Variants in GCKR observed in about 807,000 individuals in gnomAD.
GCKR encodes the protein glucokinase regulator, also known as glucokinase regulatory protein.
GCKR carries 73 observed loss-of-function variants against 82.9 expected under a neutral mutation model. The ratio of observed to expected loss-of-function variants is 0.88; its 90% CI spans 0.73 to 1.07. The LOEUF is 1.07. Ranked by LOEUF, GCKR falls within the 50% of genes least tolerant of loss-of-function variation. GCKR has a pLI of 0.00. For synonymous variants in GCKR, 294 were observed against 291.8 expected (o/e 1.01, Z -0.08); for missense variants, 784 against 782.1 (o/e 1.00, Z -0.03).
chr2:27,511,728 T>C (rs1669886391), intron 16 of GCKR, among the ~76,000 whole-genome samples: 1 of 152,050 alleles, frequency 6.6e-6, no homozygotes, highest in African/African-American at 2.4e-5. Flanking sequence ...AAGAAATATT[T>C]TCTATGTAAA....
rs1403087518 is a variant in GCKR at position 27,504,143 on chromosome 2, G to A, written c.750+524G>A. Among the ~76,000 whole-genome samples, 3 of 152,074 alleles carry A rather than the reference G, an allele frequency of 2.0e-5. No individual in the cohort carries two copies. In the East Asian group the frequency reaches 5.8e-4, roughly 29 times the overall value. On this transcript the variant is annotated intron_variant, in intron 9 of 18. Coordinates refer to ENST00000264717, the MANE Select transcript of GCKR (RefSeq NM_001486.4). ...TTTCTCCTTACTTGGGCCTTACGAG[G>A]GCCTTAGCCAAATTCCAGCCCGTGC...
intron 16 of GCKR, among the ~76,000 whole-genome samples, chr2:27,511,374 C>G (rs914004049): frequency 2.0e-5 from 3 of 151,306 alleles, no homozygotes; most frequent in African/African-American, 7.3e-5. Context: ...AATAAAGAGG[C>G]TTTGTTTGGG....
intron 8 of GCKR, 100 bp from the exon 9 acceptor site, chr2:27,503,414 C>T: frequency 1.3e-6 from 1 of 745,122 alleles, no homozygotes; most frequent in Non-Finnish European, 2.5e-6. Flanking sequence ...TGACCTCTGA[C>T]CTCAATCCCA....
At chr2:27,512,936 G>A (rs971080942) in intron 16 of GCKR, among the ~76,000 whole-genome samples, 2 of 152,172 alleles carry the variant, frequency 1.3e-5, no homozygotes, top group African/African-American at 4.8e-5. Context: ...ATGATATTCA[G>A]GTTAAATTTT....
chr2:27,501,030 C>A (rs1669559966), intron 7 of GCKR, 105 bp from the exon 8 acceptor site: 1 of 856,860 alleles, frequency 1.2e-6, no homozygotes, highest in African/African-American at 1.7e-5. Context: ...ACCTGGGAAT[C>A]TGCATTTTGA....
At chr2:27,511,598 CTG>C (rs1428863896) in intron 16 of GCKR, among the ~76,000 whole-genome samples, 1 of 151,772 alleles carries the variant, frequency 6.6e-6, no homozygotes, top group Non-Finnish European at 1.5e-5. Flanking sequence ...AGTCGGGAGG[CTG>C]AGGCAGGAGA....
At chr2:27,513,064 G>A (rs1408646081) in intron 16 of GCKR, among the ~76,000 whole-genome samples, 6 of 152,084 alleles carry the variant, frequency 3.9e-5, no homozygotes, top group Admixed American at 3.9e-4. Context: ...TAGCTAGGAT[G>A]GTGTCTGTTA....
At chr2:27,500,605 T>G (rs1246382778) in intron 7 of GCKR, among the ~76,000 whole-genome samples, 1 of 152,200 alleles carries the variant, frequency 6.6e-6, no homozygotes, top group Non-Finnish European at 1.5e-5. Context: ...CCTGGACTAG[T>G]CTCTTGCTAC....
chr2:27,509,251 A>G (rs1369869632), intron 16 of GCKR, among the ~76,000 whole-genome samples: 1 of 152,218 alleles, frequency 6.6e-6, no homozygotes, highest in African/African-American at 2.4e-5. Flanking sequence ...ACACAGCTGA[A>G]ACACTGACTT....
At chr2:27,505,156 G>A (rs1288258779) in intron 9 of GCKR, among the ~76,000 whole-genome samples, 10 of 135,738 alleles carry the variant, frequency 7.4e-5, no homozygotes, top group African/African-American at 2.5e-4. Context: ...AAGCACTTTG[G>A]GAGGCCGAGG....
At chr2:27,504,342 CT>C (rs1162348862) in intron 9 of GCKR, among the ~76,000 whole-genome samples, 8 of 151,136 alleles carry the variant, frequency 5.3e-5, no homozygotes, top group African/African-American at 1.9e-4. Flanking sequence ...TTTCAATCTT[CT>C]TTTCTCAGTC....
chr2:27,514,829 T>G (rs1474748729), intron 16 of GCKR, among the ~76,000 whole-genome samples: 3 of 152,198 alleles, frequency 2.0e-5, no homozygotes, highest in Non-Finnish European at 2.9e-5. Context: ...GGGTTTACTA[T>G]TTTGCTTTCC....
chr2:27,504,851 GTGT>G (rs1176426606), intron 9 of GCKR, among the ~76,000 whole-genome samples: 1 of 151,508 alleles, frequency 6.6e-6, no homozygotes, highest in Non-Finnish European at 1.5e-5. Context: ...TCTGGTCTGG[GTGT>G]AGTGGCTCAC....
In GCKR at chr2:27,520,180, T is replaced by TC. The variant is rs1572875977; in HGVS notation, c.1572+1244dup. Among the ~76,000 whole-genome samples, 6 of 152,188 alleles carry TC rather than the reference T, an allele frequency of 3.9e-5. No homozygotes were observed. In the East Asian group the frequency reaches 1.2e-3, roughly 29 times the overall value. On this transcript the variant is annotated intron_variant, in intron 17 of 18. Transcript: ENST00000264717. ...GGCAACCCTATGTGAAAGGAATCAA[T>TC]CAATGAACATTTAGTGAGCACCCAC...
At position 27,522,477 on chromosome 2, in the gene GCKR, C is replaced by T. The variant is rs1248727656; in HGVS notation, c.1590C>T (p.Ser530=). The change falls in exon 18 of 19, where the codon TCC becomes TCT. Residue 530 remains serine, a synonymous_variant. Coordinates refer to ENST00000264717, the MANE Select transcript of GCKR (RefSeq NM_001486.4). ...LAMLQRFSGQ[S]KARCIESLLR... ...TTCCTTAGCGGTTCTCTGGACAGTC[C>T]AAGGCTCGATGCATCGAGAGCCTCC... 1.2e-6 allele frequency: 2 copies of T among 1,613,572 alleles called. No homozygotes were observed. The highest frequency in any genetic ancestry group is 1.7e-6 in the Non-Finnish European group (2 of 1,179,678).
intron 17 of GCKR, among the ~76,000 whole-genome samples, chr2:27,522,094 T>G (rs569267413): frequency 1.3e-4 from 20 of 152,156 alleles, no homozygotes; most frequent in Non-Finnish European, 2.8e-4. Context: ...GGAAGCAGTG[T>G]TTGCAGATGA....
At chr2:27,505,860 G>C in intron 10 of GCKR, 24 bp downstream of exon 10, 1 of 1,235,302 alleles carries the variant, frequency 8.1e-7, no homozygotes, top group South Asian at 1.2e-5. Flanking sequence ...GGATAAGAGA[G>C]AGCTCAGAGT....
intron 16 of GCKR, among the ~76,000 whole-genome samples, chr2:27,516,379 C>T (rs1670010316): frequency 6.7e-6 from 1 of 149,874 alleles, no homozygotes; most frequent in African/African-American, 2.5e-5. Flanking sequence ...CAACCTCCGC[C>T]CCCCAGGTTC....
intron 17 of GCKR, among the ~76,000 whole-genome samples, chr2:27,519,306 CTT>C (rs915176817): frequency 4.8e-5 from 7 of 144,850 alleles, no homozygotes; most frequent in Non-Finnish European, 7.6e-5. Context: ...TGCTCTCATT[CTT>C]TTTTTTTTTT....
Sources: allele counts gnomAD v4.1 joint callset (sites outside exome capture counted in the v4.1 genomes callset), GRCh38; gene constraint gnomAD v4.1.1; transcripts MANE v1.5; gene names NCBI Gene and HGNC (gene_info 2026-07-23, HGNC 2026-07-21).